NSRP1: variants seen among roughly 807,000 people sequenced by gnomAD.
NSRP1 encodes coiled-coil domain containing 55.
NSRP1 carries 24 observed loss-of-function variants against 54.7 expected under a neutral mutation model. That is an observed-to-expected ratio of 0.44 (90% CI 0.32 to 0.62). The LOEUF is 0.62. Ranked by LOEUF, NSRP1 falls within the 20% of genes least tolerant of loss-of-function variation. NSRP1 has a pLI of 0.06. For missense variants in NSRP1, 596 were observed against 651.2 expected, an observed-to-expected ratio of 0.92 and a Z score of 0.92; for synonymous variants, 210 against 213.8, an observed-to-expected ratio of 0.98 and a Z score of 0.15.
At chr17:30,155,196 G>A (rs939570090) in intron 2 of NSRP1, among the ~76,000 whole-genome samples, 12 of 152,026 alleles carry the variant, frequency 7.9e-5, no homozygotes, top group Non-Finnish European at 1.8e-4. Flanking sequence ...GCATAATATG[G>A]ATTACTTGTT....
chr17:30,121,477 A>G (rs2071595943), intron 2 of NSRP1, among the ~76,000 whole-genome samples: 1 of 134,776 alleles, frequency 7.4e-6, no homozygotes, highest in Non-Finnish European at 1.6e-5. Flanking sequence ...TTTGGTCATC[A>G]TTTTCCCTCA....
intron 2 of NSRP1, among the ~76,000 whole-genome samples, chr17:30,134,653 G>A (rs550445732): frequency 6.6e-6 from 1 of 152,280 alleles, no homozygotes; most frequent in Admixed American, 6.5e-5. Flanking sequence ...TTAGATAATA[G>A]AGCTAAATTT....
chr17:30,164,020 T>TGTGTGTGTGC (rs61035514), intron 2 of NSRP1, among the ~76,000 whole-genome samples: 2 of 152,050 alleles, frequency 1.3e-5, no homozygotes, highest in Admixed American at 6.6e-5. Context: ...AATGTGTATG[T>TGTGTGTGTGC]GTGTGTGTGC....
chr17:30,153,079 T>G (rs931623423), intron 2 of NSRP1, among the ~76,000 whole-genome samples: 3 of 151,942 alleles, frequency 2.0e-5, no homozygotes, highest in Non-Finnish European at 4.4e-5. Flanking sequence ...CACACCCTGC[T>G]AATTTTTGTA....
At chr17:30,181,842 T>G (rs138034004) in intron 6 of NSRP1, among the ~76,000 whole-genome samples, 4,101 of 152,054 alleles carry the variant, frequency 0.027, 163 homozygotes, top group African/African-American at 0.094. Context: ...ATTCCTGACC[T>G]CAGGTGATCC....
intron 2 of NSRP1, among the ~76,000 whole-genome samples, chr17:30,161,373 G>C (rs759087455): frequency 2.0e-5 from 3 of 152,026 alleles, no homozygotes; most frequent in Non-Finnish European, 4.4e-5. Context: ...TCTCTTGTCT[G>C]TGGATCTGCT....
At chr17:30,127,963 T>C in intron 2 of NSRP1, 1 of 397,656 alleles carries the variant, frequency 2.5e-6, no homozygotes, top group Non-Finnish European at 4.4e-6. Flanking sequence ...GCCTCCCAAG[T>C]AGCTGGGACC....
intron 2 of NSRP1, among the ~76,000 whole-genome samples, chr17:30,131,278 T>C (rs935927807): frequency 6.6e-6 from 1 of 151,764 alleles, no homozygotes; most frequent in African/African-American, 2.4e-5. Context: ...CTGTCTTTTA[T>C]TGTCCTCTCA....
chr17:30,126,401 A>G (rs546018196), intron 2 of NSRP1, among the ~76,000 whole-genome samples: 1 of 152,188 alleles, frequency 6.6e-6, no homozygotes, highest in East Asian at 1.9e-4. Context: ...CGCAAAAGCT[A>G]CTTCTTTCAA....
intron 2 of NSRP1, among the ~76,000 whole-genome samples, chr17:30,141,711 T>C (rs1448323996): frequency 2.0e-5 from 3 of 152,216 alleles, no homozygotes; most frequent in Non-Finnish European, 2.9e-5. Flanking sequence ...ACTTTAAAAA[T>C]GTGAATATCG....
chr17:30,178,317 T>G, intron 4 of NSRP1, 118 bp downstream of exon 4: 1 of 1,026,610 alleles, frequency 9.7e-7, no homozygotes, highest in Non-Finnish European at 1.4e-6. Flanking sequence ...GTGTGAAGAG[T>G]CCCTAATTCC....
intron 2 of NSRP1, among the ~76,000 whole-genome samples, chr17:30,155,903 G>C (rs141217779): frequency 1.3e-5 from 2 of 151,682 alleles, no homozygotes; most frequent in African/African-American, 2.4e-5. Context: ...GCAGTGGCAC[G>C]ATCTTGGCTC....
intron 2 of NSRP1, among the ~76,000 whole-genome samples, chr17:30,162,113 C>A (rs1904540297): frequency 6.6e-6 from 1 of 151,144 alleles, no homozygotes; most frequent in South Asian, 2.1e-4. Flanking sequence ...CCTCCTCCAT[C>A]TCCCAGGTTC....
rs1450358838 is a variant in NSRP1 at position 30,133,162 on chromosome 17, A to G, written c.114+14989A>G. On this transcript the variant is annotated intron_variant, in intron 2 of 6. Coordinates refer to ENST00000247026, the MANE Select transcript of NSRP1 (RefSeq NM_032141.4). Reference sequence around the variant, plus strand: ...AGACAGGGGTCTCACCATGTTGCCCAGTATGGTCTCAAACTCCTGAGCTCA... The same window carrying G: ...AGACAGGGGTCTCACCATGTTGCCCGGTATGGTCTCAAACTCCTGAGCTCA... Among the ~76,000 whole-genome samples the G allele has an allele frequency of 1.7e-4, 24 of 139,270 alleles. No individual in the cohort carries two copies. In the Admixed American group the frequency reaches 1.9e-3, roughly 11 times the overall value. The allele number at this position is 139,270 out of a possible 152,430, so 91.4% of individuals were successfully genotyped here.
chr17:30,174,324 C>T (rs72825897), intron 3 of NSRP1, among the ~76,000 whole-genome samples: 158 of 152,258 alleles, frequency 1.0e-3, no homozygotes, highest in African/African-American at 3.3e-3. Flanking sequence ...GATTTTTTCT[C>T]GCACCTATAT....
At chr17:30,133,620 T>G (rs1321179990) in intron 2 of NSRP1, among the ~76,000 whole-genome samples, 1 of 152,228 alleles carries the variant, frequency 6.6e-6, no homozygotes, top group Non-Finnish European at 1.5e-5. Flanking sequence ...AGCCAAGCGT[T>G]GACTTCTCTT....
intron 2 of NSRP1, among the ~76,000 whole-genome samples, chr17:30,143,152 G>GT (rs2071821693): frequency 6.6e-6 from 1 of 152,102 alleles, no homozygotes; most frequent in Non-Finnish European, 1.5e-5. Context: ...TTAAAAAGAA[G>GT]TTTTTCCTTT....
chr17:30,166,688 C>T (rs531632392), intron 2 of NSRP1, among the ~76,000 whole-genome samples: 74 of 152,162 alleles, frequency 4.9e-4, no homozygotes, highest in East Asian at 1.4e-3. Flanking sequence ...TTTGGGAGGC[C>T]GAGGTAGGCA....
At chr17:30,159,969 G>GTTTT (rs1567800727) in intron 2 of NSRP1, among the ~76,000 whole-genome samples, 1 of 152,096 alleles carries the variant, frequency 6.6e-6, no homozygotes, top group African/African-American at 2.4e-5. Flanking sequence ...GCCAAGGTAT[G>GTTTT]TTTTTTCTGT....
Sources: gnomAD v4.1 joint callset for allele counts (sites outside exome capture counted in the v4.1 genomes callset) on GRCh38, gnomAD v4.1.1 for gene constraint, MANE v1.5 for transcripts, NCBI Gene and HGNC (gene_info 2026-07-23, HGNC 2026-07-21) for gene names.